Variants in TIAM1 observed in about 807,000 individuals in gnomAD.
TIAM1 encodes rho guanine nucleotide exchange factor TIAM1.
TIAM1 carries 65 observed loss-of-function variants against 163.5 expected under a neutral mutation model. That is an observed-to-expected ratio of 0.40 (90% confidence interval 0.33 to 0.49). The LOEUF (loss-of-function observed/expected upper bound fraction) is 0.49, where lower values mean the gene tolerates loss of function less well. Ranked by LOEUF, TIAM1 falls within the 20% of genes least tolerant of loss-of-function variation. The pLI, the probability that TIAM1 is intolerant of heterozygous loss-of-function variation, is 0.77. For missense variants in TIAM1, 1,789 were observed against 2,044.7 expected (o/e 0.87, Z 2.41); for synonymous variants, 833 against 810.1 (o/e 1.03, Z -0.48).
At chr21:31,221,489 A>G (rs2087557558) in intron 8 of TIAM1, among the ~76,000 whole-genome samples, 1 of 152,234 alleles carries the variant, frequency 6.6e-6, no homozygotes, top group African/African-American at 2.4e-5. Context: ...AAAGAAAAGT[A>G]CACACACATC....
At chr21:31,300,635 T>G (rs976087610) in intron 2 of TIAM1, among the ~76,000 whole-genome samples, 6 of 152,232 alleles carry the variant, frequency 3.9e-5, no homozygotes, top group Non-Finnish European at 1.5e-5. Flanking sequence ...CTTCACATCT[T>G]TACTACAAGT....
chr21:31,263,478 G>C (rs2072589732), intron 4 of TIAM1, among the ~76,000 whole-genome samples: 1 of 152,160 alleles, frequency 6.6e-6, no homozygotes, highest in African/African-American at 2.4e-5. Flanking sequence ...TTTAGAAGGT[G>C]ACAAGCCAAA....
intron 2 of TIAM1, among the ~76,000 whole-genome samples, chr21:31,331,939 A>G (rs2147067544): frequency 6.6e-6 from 1 of 152,300 alleles, no homozygotes; most frequent in East Asian, 1.9e-4. Flanking sequence ...TTTTAACTAC[A>G]AGGTCCCAGC....
At chr21:31,194,381 T>C (rs1052420603) in intron 13 of TIAM1, among the ~76,000 whole-genome samples, 1 of 152,160 alleles carries the variant, frequency 6.6e-6, no homozygotes, top group Non-Finnish European at 1.5e-5. Context: ...CCAAAATAGT[T>C]CCTTTAACAT....
intron 1 of TIAM1, among the ~76,000 whole-genome samples, chr21:31,473,860 A>G (rs952086822): frequency 6.6e-6 from 1 of 152,172 alleles, no homozygotes; most frequent in African/African-American, 2.4e-5. Context: ...GACTTGCAGA[A>G]TCATTAGTCT....
chr21:31,510,083 G>A (rs908167397), intron 1 of TIAM1, among the ~76,000 whole-genome samples: 7 of 152,146 alleles, frequency 4.6e-5, no homozygotes, highest in Non-Finnish European at 8.8e-5. Flanking sequence ...GTCCTAACCC[G>A]GGGTACCCGT....
chr21:31,156,818 T>C (rs1316759644), intron 16 of TIAM1, among the ~76,000 whole-genome samples: 2 of 152,166 alleles, frequency 1.3e-5, no homozygotes, highest in Admixed American at 6.5e-5. Flanking sequence ...TCCCAAACTC[T>C]CCTTGGTTGC....
chr21:31,168,116 G>A (rs184046986), intron 15 of TIAM1, among the ~76,000 whole-genome samples: 12 of 149,164 alleles, frequency 8.0e-5, no homozygotes, highest in East Asian at 2.0e-4. Context: ...TTTTGGAGAC[G>A]TAGTTTCACT....
chr21:31,539,928 G>A (rs761628232), intron 1 of TIAM1, among the ~76,000 whole-genome samples: 22 of 152,084 alleles, frequency 1.4e-4, no homozygotes, highest in Non-Finnish European at 2.9e-4. Flanking sequence ...GCTGTGGTAC[G>A]CACCTGTAAT....
chr21:31,414,570 T>C (rs1014813804), intron 2 of TIAM1, among the ~76,000 whole-genome samples: 6 of 152,284 alleles, frequency 3.9e-5, no homozygotes, highest in African/African-American at 1.4e-4. Context: ...CCCTCCACCA[T>C]TTCCTCCTGT....
At chr21:31,239,031 C>T (rs2071032872) in intron 6 of TIAM1, among the ~76,000 whole-genome samples, 1 of 152,176 alleles carries the variant, frequency 6.6e-6, no homozygotes, top group Non-Finnish European at 1.5e-5. Flanking sequence ...ACCGATCTCA[C>T]AATAATGTTA....
At chr21:31,454,589 G>A (rs536739240) in intron 2 of TIAM1, among the ~76,000 whole-genome samples, 34 of 152,238 alleles carry the variant, frequency 2.2e-4, no homozygotes, top group Non-Finnish European at 3.1e-4. Flanking sequence ...AGCCCAGCAC[G>A]CGTGTCCAAG....
chr21:31,124,418 C>T (rs1234260152), intron 27 of TIAM1, 104 bp downstream of exon 27: 1 of 1,483,516 alleles, frequency 6.7e-7, no homozygotes, highest in Non-Finnish European at 9.0e-7. Context: ...TCAGCCCCCA[C>T]CAGGCCACAC....
chr21:31,126,633 A>T (rs1367505612), intron 26 of TIAM1, among the ~76,000 whole-genome samples: 1 of 152,088 alleles, frequency 6.6e-6, no homozygotes, highest in Non-Finnish European at 1.5e-5. Flanking sequence ...TTTAAAGCCA[A>T]ATATATTAAA....
intron 3 of TIAM1, among the ~76,000 whole-genome samples, chr21:31,270,727 G>T (rs1181347872): frequency 6.6e-6 from 1 of 152,120 alleles, no homozygotes; most frequent in African/African-American, 2.4e-5. Flanking sequence ...TTGCAATTTT[G>T]GTTTTTTTGG....
intron 2 of TIAM1, among the ~76,000 whole-genome samples, chr21:31,326,240 G>A (rs1373579844): frequency 6.6e-6 from 1 of 152,188 alleles, no homozygotes. Flanking sequence ...TAGGAATGGA[G>A]TTGAGCAGCT....
intron 2 of TIAM1, among the ~76,000 whole-genome samples, chr21:31,294,290 A>G (rs1335783970): frequency 6.6e-6 from 1 of 152,146 alleles, no homozygotes; most frequent in Non-Finnish European, 1.5e-5. Context: ...AACCAAACCA[A>G]TGCCAAGAAG....
chr21:31,271,217 A>T (rs1178816689), intron 3 of TIAM1, among the ~76,000 whole-genome samples: 2 of 151,062 alleles, frequency 1.3e-5, no homozygotes, highest in East Asian at 3.9e-4. Context: ...GTGGTCCATT[A>T]AAAAAAACAC....
At position 31,266,775 on chromosome 21, in the gene TIAM1, C is replaced by T. The variant is rs1390915597; in HGVS notation, c.198G>A (p.Gln66=). Residue 66 remains glutamine (Q), a synonymous_variant, in exon 4 of 28, where the codon CAG becomes CAA. Transcript: ENST00000541036. ...GCTCCAGGCCATTTTCAGCCAGGGACTGGGGGATGCTGGGGGTGCTGCTGG... is the reference window on the plus strand; with the variant it reads ...GCTCCAGGCCATTTTCAGCCAGGGATTGGGGGATGCTGGGGGTGCTGCTGG... ...TRSSSTPSIP[Q]SLAENGLEPF... 1.2e-6 allele frequency: 2 copies of T among 1,614,206 alleles called. No individual in the cohort carries two copies. The highest frequency in any genetic ancestry group is 1.7e-6 in the Non-Finnish European group (2 of 1,180,040).
Sources: allele counts gnomAD v4.1 joint callset (sites outside exome capture counted in the v4.1 genomes callset), GRCh38; gene constraint gnomAD v4.1.1; transcripts MANE v1.5; gene names NCBI Gene and HGNC (gene_info 2026-07-23, HGNC 2026-07-21).